Variants in SERF2 observed in about 807,000 individuals in gnomAD.
SERF2 encodes the protein gastric cancer-related protein VRG107.
SERF2 carries 4 observed loss-of-function variants against 10.7 expected under a neutral mutation model. The ratio of observed to expected loss-of-function variants is 0.37; its 90% CI spans 0.18 to 0.86. The LOEUF (loss-of-function observed/expected upper bound fraction) is 0.86, where lower values mean the gene tolerates loss of function less well. SERF2 is among the 40% of genes least tolerant of loss of function. The pLI is 0.43. For missense variants in SERF2, 47 were observed against 79.1 expected (o/e 0.59, Z 1.54); for synonymous variants, 26 against 26.0 (o/e 1.00, Z 0.01).
At chr15:43,788,361 C>G (rs2087024888), upstream of SERF2, among the ~76,000 whole-genome samples, 1 of 150,766 alleles carries the variant, frequency 6.6e-6, no homozygotes, top group Non-Finnish European at 1.5e-5. Context: ...CTCCTGACCT[C>G]GTGATCGGCC....
intron 2 of SERF2, among the ~76,000 whole-genome samples, chr15:43,785,854 T>G (rs760989141): frequency 1.3e-5 from 2 of 151,304 alleles, no homozygotes; most frequent in Non-Finnish European, 2.9e-5. Flanking sequence ...TACAGATGCA[T>G]GCCACCACGC....
Position 43,795,665 on chromosome 15 carries a change from A to C in SERF2, c.*1892A>C, listed in dbSNP as rs2087196640. 6.8e-6 allele frequency: 11 copies of C among 1,613,270 alleles called. No individual in the cohort carries two copies. In the East Asian group the frequency reaches 2.5e-4, roughly 36 times the overall value. On this transcript the variant is annotated 3_prime_UTR_variant, in exon 3 of 3. Coordinates refer to ENST00000249786, the MANE Select transcript of SERF2 (RefSeq NM_001018108.4). The stretch of plus-strand genomic sequence containing the variant: ...ACTCCACAGAGATCTACCACTTCTT[A>C]TGGTTCCTCACTTGGCACTCACCTT...
chr15:43,795,612 T>C lies in SERF2; in HGVS notation c.*1839T>C. 1.2e-6 allele frequency: 2 copies of C among 1,611,096 alleles called. No homozygotes were observed. The highest frequency in any genetic ancestry group is 1.1e-5 in the South Asian group (1 of 91,024). Reference sequence around the variant, plus strand: ...TCTTCCCCTCTCCCCCAACTACCTTTGTTAAGGCTCTTGAGGGTTCTTATG... The same window carrying C: ...TCTTCCCCTCTCCCCCAACTACCTTCGTTAAGGCTCTTGAGGGTTCTTATG... On this transcript the variant is annotated 3_prime_UTR_variant, in exon 3 of 3. Transcript: ENST00000249786.
chr15:43,795,067 T>A lies in SERF2; in HGVS notation c.*1294T>A. ...GCGGCGGCGCCTCAAGATAAGGGGC[T>A]GGGGTTTCTGGGTGGGGGGCCAACA... On this transcript the variant is annotated 3_prime_UTR_variant, in exon 3 of 3. Transcript: ENST00000249786. 1 of 1,579,826 alleles carries A rather than the reference T, an allele frequency of 6.3e-7. No individual in the cohort carries two copies. The highest frequency in any genetic ancestry group is 1.1e-5 in the South Asian group (1 of 90,350).
intron 1 of SERF2, 200 bp downstream of exon 1, chr15:43,792,583 G>C: frequency 2.1e-6 from 3 of 1,453,934 alleles, no homozygotes; most frequent in Non-Finnish European, 2.7e-6. Flanking sequence ...TCCCGGGTTA[G>C]GCATAGGCCC....
upstream of SERF2, among the ~76,000 whole-genome samples, chr15:43,789,947 C>T (rs137978076): frequency 2.9e-3 from 441 of 152,150 alleles, 5 homozygotes; most frequent in Middle Eastern, 0.027. Context: ...TTGAGACCAG[C>T]CTGACCAACA....
chr15:43,788,304 C>A (rs2087024477), upstream of SERF2, among the ~76,000 whole-genome samples: 1 of 152,028 alleles, frequency 6.6e-6, no homozygotes, highest in African/African-American at 2.4e-5. Flanking sequence ...GCCACCATGC[C>A]CAACCTGGAG....
chr15:43,789,487 A>C (rs2087035156), upstream of SERF2, among the ~76,000 whole-genome samples: 1 of 152,094 alleles, frequency 6.6e-6, no homozygotes, highest in Admixed American at 6.6e-5. Context: ...TCACCTCCCT[A>C]ATCAAAATTA....
chr15:43,783,491 G>A (rs1424452644), intron 1 of SERF2, among the ~76,000 whole-genome samples: 7 of 149,950 alleles, frequency 4.7e-5, no homozygotes, highest in East Asian at 4.0e-4. Flanking sequence ...TAGTACAGAC[G>A]GGGCTTCATT....
At chr15:43,785,458 A>T (rs1301832625) in exon 2 of SERF2, 1 of 151,946 alleles carries the variant, frequency 6.6e-6, no homozygotes, top group East Asian at 1.9e-4. Flanking sequence ...TGGCGAGATC[A>T]CGACTCACTA....
chr15:43,791,013 C>T (rs771282039), upstream of SERF2, among the ~76,000 whole-genome samples: 1 of 151,762 alleles, frequency 6.6e-6, no homozygotes, highest in Non-Finnish European at 1.5e-5. Flanking sequence ...CGTGATCCAC[C>T]CGCCTCTGCC....
At position 43,793,794 on chromosome 15, in the gene SERF2, C is replaced by T. The variant is rs760093532; in HGVS notation, c.*21C>T. On this transcript the variant is annotated 3_prime_UTR_variant, in exon 3 of 3. Coordinates refer to ENST00000249786, the MANE Select transcript of SERF2 (RefSeq NM_001018108.4). ...AGTAGCTTTGTGGCTTCGTGTCCAA[C>T]CCTCTTGCCCTTCGCCTGTGTGCCT... is the stretch of plus-strand genomic sequence containing the variant. The T allele has an allele frequency of 4.3e-6, 7 of 1,614,070 alleles. No homozygotes were observed. Among genetic ancestry groups the T allele is most frequent in the South Asian group, 2.2e-5 (2 of 91,092 alleles).
intron 1 of SERF2, among the ~76,000 whole-genome samples, chr15:43,783,008 C>CT (rs61152230): frequency 0.16 from 15,954 of 99,754 alleles, 2,370 homozygotes; most frequent in African/African-American, 0.33. Flanking sequence ...CCACACCTGG[C>CT]TTTTTTTTTT....
upstream of SERF2, chr15:43,792,170 T>A: frequency 1.8e-6 from 1 of 544,912 alleles, no homozygotes; most frequent in African/African-American, 1.9e-5. Context: ...GCGCTCCGCC[T>A]GCGACCCTCC....
At chr15:43,777,470 T>G in exon 1 of SERF2, 1 of 199,168 alleles carries the variant, frequency 5.0e-6, no homozygotes, top group Non-Finnish European at 1.1e-5. Context: ...CGCCCGCGGT[T>G]CCACCGCTCT....
At chr15:43,783,054 C>CTG (rs1402003013) in intron 1 of SERF2, among the ~76,000 whole-genome samples, 1 of 144,184 alleles carries the variant, frequency 6.9e-6, no homozygotes, top group Non-Finnish European at 1.5e-5. Context: ...TGTCACCAGG[C>CTG]TGTAGTGCAG....
In SERF2 at chr15:43,794,941, TCC is replaced by T; in HGVS notation, c.*1171_*1172del. ...GAGGTATTGAGCTGGGCTGGACAGC[TCC>T]CCTTGAGCCAACTCTAGGAGTACAA... is the stretch of plus-strand genomic sequence containing the variant. On this transcript the variant is annotated 3_prime_UTR_variant, in exon 3 of 3. Transcript: ENST00000249786. 1 of 1,384,102 alleles carries T rather than the reference TCC, an allele frequency of 7.2e-7. No homozygotes were observed. The highest frequency in any genetic ancestry group is 1.0e-6 in the Non-Finnish European group (1 of 1,001,562). The allele number at this position is 1,384,102 out of a possible 1,614,324, so 85.7% of individuals were successfully genotyped here.
chr15:43,779,509 T>C (rs2086949111), intron 1 of SERF2, among the ~76,000 whole-genome samples: 1 of 152,152 alleles, frequency 6.6e-6, no homozygotes, highest in African/African-American at 2.4e-5. Context: ...TTATTTATTT[T>C]TGAGGCAGGT....
rs762233187 is a variant in SERF2, at chr15:43,793,930, C to T, written c.*157C>T. 2.4e-5 allele frequency: 37 copies of T among 1,560,414 alleles called. No homozygotes were observed. Among genetic ancestry groups the T allele is most frequent in the Non-Finnish European group, 3.1e-5 (36 of 1,152,194 alleles). ...AGCGGGTCCCTTTTGTGCTTCCTTC[C>T]CCTCAGGTAGCCTCTCTCCCCCTGG... is the stretch of plus-strand genomic sequence containing the variant. On this transcript the variant is annotated 3_prime_UTR_variant, in exon 3 of 3. Coordinates refer to ENST00000249786, the MANE Select transcript of SERF2 (RefSeq NM_001018108.4).
Sources: gnomAD v4.1 joint callset for allele counts (sites outside exome capture counted in the v4.1 genomes callset) on GRCh38, gnomAD v4.1.1 for gene constraint, MANE v1.5 for transcripts, NCBI Gene and HGNC (gene_info 2026-07-23, HGNC 2026-07-21) for gene names.